CAMK2D: variants seen among roughly 807,000 people sequenced by gnomAD.
CAMK2D encodes calcium/calmodulin-dependent protein kinase type II subunit delta.
A neutral mutation model predicts 84.0 loss-of-function variants in CAMK2D; 37 were observed. The ratio of observed to expected loss-of-function variants is 0.44; its 90% CI spans 0.34 to 0.58. The LOEUF (loss-of-function observed/expected upper bound fraction) is 0.58, where lower values mean the gene tolerates loss of function less well. Ranked by LOEUF, CAMK2D falls within the 20% of genes least tolerant of loss-of-function variation. The pLI, the probability that CAMK2D is intolerant of heterozygous loss-of-function variation, is 0.02. For synonymous variants in CAMK2D, 202 were observed against 212.5 expected (o/e 0.95, Z 0.43); for missense variants, 448 against 652.5 (o/e 0.69, Z 3.41).
intron 8 of CAMK2D, among the ~76,000 whole-genome samples, chr4:113,519,358 G>A (rs947401232): frequency 6.6e-6 from 1 of 152,136 alleles, no homozygotes; most frequent in African/African-American, 2.4e-5. Context: ...TCTGGGAAGA[G>A]GAAGCTCACA....
chr4:113,729,749 G>C (rs978799929), intron 2 of CAMK2D, among the ~76,000 whole-genome samples: 5 of 152,078 alleles, frequency 3.3e-5, no homozygotes, highest in African/African-American at 1.2e-4. Context: ...AGGTGATTAG[G>C]TCATGAAGGC....
chr4:113,608,075 T>C (rs1432239251), intron 4 of CAMK2D, among the ~76,000 whole-genome samples: 1 of 152,212 alleles, frequency 6.6e-6, no homozygotes, highest in African/African-American at 2.4e-5. Context: ...TAAAAACTTA[T>C]GCAATAGAAT....
chr4:113,477,459 C>T (rs2097643844), intron 16 of CAMK2D, among the ~76,000 whole-genome samples: 1 of 152,070 alleles, frequency 6.6e-6, no homozygotes, highest in African/African-American at 2.4e-5. Context: ...TATTGGGGCC[C>T]AGTTGGCCAG....
chr4:113,529,058 T>A (rs2098440796), intron 8 of CAMK2D, among the ~76,000 whole-genome samples: 1 of 152,152 alleles, frequency 6.6e-6, no homozygotes, highest in East Asian at 1.9e-4. Context: ...GCACTGCATT[T>A]GACCCTCCTA....
chr4:113,513,412 C>G (rs770858358), intron 11 of CAMK2D, 42 bp from the exon 12 acceptor site: 2 of 1,254,198 alleles, frequency 1.6e-6, no homozygotes, highest in Admixed American at 3.4e-5. Context: ...GTTGCCTATG[C>G]AAATTCTGGA....
intron 4 of CAMK2D, among the ~76,000 whole-genome samples, chr4:113,600,310 G>C (rs1035833466): frequency 4.6e-5 from 7 of 152,108 alleles, no homozygotes; most frequent in Non-Finnish European, 1.0e-4. Flanking sequence ...ATGTACCAAA[G>C]TAGGTTTATA....
intron 2 of CAMK2D, among the ~76,000 whole-genome samples, chr4:113,730,098 A>T (rs1055472502): frequency 6.6e-6 from 1 of 152,198 alleles, no homozygotes; most frequent in African/African-American, 2.4e-5. Flanking sequence ...TAAAGACAGA[A>T]ACTCTTTTGT....
rs147742800 is a variant in CAMK2D at position 113,580,889 on chromosome 4, A to G, written c.275+28263T>C. The stretch of plus-strand genomic sequence containing the variant: ...AAGTGACCTTTCTGTTTTTTTAAAT[A>G]TATCAGTCATCAGAAATGGAATGTG... On this transcript the variant is annotated intron_variant, in intron 4 of 20. Coordinates refer to ENST00000511664, the MANE Select transcript of CAMK2D (RefSeq NM_001321571.2). Among the ~76,000 whole-genome samples the G allele has an allele frequency of 1.6e-3, 222 of 139,824 alleles. 1 individual carries two copies. Among genetic ancestry groups the G allele is most frequent in the African/African-American group, 5.6e-3 (212 of 38,114 alleles). 91.7% of individuals were successfully genotyped at this position (139,824 alleles called of 152,430 possible).
intron 2 of CAMK2D, among the ~76,000 whole-genome samples, chr4:113,707,251 C>T (rs2099462403): frequency 6.6e-6 from 1 of 152,052 alleles, no homozygotes. Flanking sequence ...GTTATGATCT[C>T]CACATCTGAA....
chr4:113,470,018 TCTTTC>T (rs1307829879), intron 16 of CAMK2D, among the ~76,000 whole-genome samples: 1 of 152,120 alleles, frequency 6.6e-6, no homozygotes, highest in Non-Finnish European at 1.5e-5. Flanking sequence ...TCTCTCTCTC[TCTTTC>T]TTTTTTTTAA....
At chr4:113,675,245 A>C (rs2099313593) in intron 2 of CAMK2D, among the ~76,000 whole-genome samples, 1 of 152,178 alleles carries the variant, frequency 6.6e-6, no homozygotes, top group East Asian at 1.9e-4. Context: ...ATATGATATA[A>C]AACTACCCCA....
intron 13 of CAMK2D, among the ~76,000 whole-genome samples, chr4:113,507,882 C>T (rs894547010): frequency 1.3e-5 from 2 of 151,864 alleles, no homozygotes; most frequent in Non-Finnish European, 2.9e-5. Flanking sequence ...TAAATCACTC[C>T]TATTTTAGCA....
intron 3 of CAMK2D, among the ~76,000 whole-genome samples, chr4:113,646,649 C>T (rs149105048): frequency 1.5e-3 from 232 of 152,206 alleles, no homozygotes; most frequent in African/African-American, 5.0e-3. Context: ...GCAAGGAGCC[C>T]AGAGGGGTTG....
At chr4:113,482,680 A>C (rs1387072308) in intron 16 of CAMK2D, among the ~76,000 whole-genome samples, 1 of 152,258 alleles carries the variant, frequency 6.6e-6, no homozygotes, top group Admixed American at 6.5e-5. Flanking sequence ...TTGTTTTTAA[A>C]GAAAACACAA....
At chr4:113,486,375 T>G (rs1361160045) in intron 16 of CAMK2D, among the ~76,000 whole-genome samples, 1 of 152,164 alleles carries the variant, frequency 6.6e-6, no homozygotes, top group South Asian at 2.1e-4. Context: ...TCCTCTGGCC[T>G]CAGCATCCCA....
At chr4:113,456,792 T>C (rs1364497656) in intron 19 of CAMK2D, 1 of 153,334 alleles carries the variant, frequency 6.5e-6, no homozygotes, top group Non-Finnish European at 1.5e-5. Flanking sequence ...ACCTAGGTGA[T>C]TCACAATAAA....
chr4:113,757,812 T>C (rs2099631938), intron 2 of CAMK2D, among the ~76,000 whole-genome samples: 1 of 152,050 alleles, frequency 6.6e-6, no homozygotes, highest in Non-Finnish European at 1.5e-5. Context: ...GAGAGTAAAA[T>C]GTATGTGACC....
rs1176937482 is a variant in CAMK2D, at chr4:113,729,079, A to G, written c.160+30241T>C. On this transcript the variant is annotated intron_variant, in intron 2 of 20. Transcript: ENST00000511664. Reference sequence around the variant, plus strand: ...TAAATGGACAATGGAAAGACACAGGATTGCATTTGCAGCCACAATAACAGT... The same window carrying G: ...TAAATGGACAATGGAAAGACACAGGGTTGCATTTGCAGCCACAATAACAGT... 1.1e-4 allele frequency among the ~76,000 whole-genome samples: 16 copies of G among 152,284 alleles called. No individual in the cohort carries two copies. In the East Asian group the frequency reaches 3.1e-3, roughly 29 times the overall value.
intron 15 of CAMK2D, among the ~76,000 whole-genome samples, chr4:113,501,274 T>A (rs1446560960): frequency 1.4e-5 from 2 of 140,474 alleles, no homozygotes; most frequent in Admixed American, 1.7e-4. Context: ...AAAAGTACAC[T>A]GTAACTGCCA....
Sources: allele counts gnomAD v4.1 joint callset (sites outside exome capture counted in the v4.1 genomes callset), GRCh38; gene constraint gnomAD v4.1.1; transcripts MANE v1.5; gene names NCBI Gene and HGNC (gene_info 2026-07-23, HGNC 2026-07-21).